Variants in CNTNAP2 observed in about 807,000 individuals in gnomAD.
CNTNAP2 encodes contactin-associated protein-like 2.
A neutral mutation model predicts 155.2 loss-of-function variants in CNTNAP2; 98 were observed. That is an observed-to-expected ratio of 0.63 (90% CI 0.54 to 0.75). The LOEUF is 0.75. Ranked by LOEUF, CNTNAP2 falls within the 30% of genes least tolerant of loss-of-function variation. The pLI is 0.00. For missense variants in CNTNAP2, 1,727 were observed against 1,688.1 expected, an observed-to-expected ratio of 1.02 and a Z score of -0.40; for synonymous variants, 651 against 631.2, an observed-to-expected ratio of 1.03 and a Z score of -0.47.
At chr7:146,840,794 G>A (rs1196980540) in intron 3 of CNTNAP2, among the ~76,000 whole-genome samples, 1 of 152,086 alleles carries the variant, frequency 6.6e-6, no homozygotes, top group African/African-American at 2.4e-5. Context: ...AGTAACAAGA[G>A]TTTATAATTT....
At chr7:148,132,190 G>A (rs17548680) in intron 16 of CNTNAP2, among the ~76,000 whole-genome samples, 3,568 of 152,136 alleles carry the variant, frequency 0.023, 56 homozygotes, top group Middle Eastern at 0.044. Context: ...GGAAGTTATC[G>A]TTCTCAAGAT....
chr7:146,684,867 T>C (rs1800569325), intron 1 of CNTNAP2, among the ~76,000 whole-genome samples: 1 of 152,122 alleles, frequency 6.6e-6, no homozygotes, highest in South Asian at 2.1e-4. Context: ...GTGACCTTGA[T>C]AACATATGTC....
chr7:147,719,218 G>A (rs1378308766), intron 13 of CNTNAP2, among the ~76,000 whole-genome samples: 2 of 152,022 alleles, frequency 1.3e-5, no homozygotes, highest in Non-Finnish European at 1.5e-5. Context: ...CCTAAGCACT[G>A]CCAAATGCCC....
chr7:147,512,176 C>T (rs1161661175), intron 11 of CNTNAP2, among the ~76,000 whole-genome samples: 1 of 152,182 alleles, frequency 6.6e-6, no homozygotes, highest in African/African-American at 2.4e-5. Context: ...CTCTCACCAT[C>T]GCCGTGCCCA....
At chr7:146,993,511 C>A (rs1409020537) in intron 3 of CNTNAP2, among the ~76,000 whole-genome samples, 12 of 152,084 alleles carry the variant, frequency 7.9e-5, no homozygotes, top group Admixed American at 7.9e-4. Context: ...TGGGAGACTG[C>A]CTTTTCCTGG....
intron 3 of CNTNAP2, among the ~76,000 whole-genome samples, chr7:146,874,423 G>A (rs1037681263): frequency 2.9e-4 from 44 of 151,942 alleles, no homozygotes; most frequent in Non-Finnish European, 1.9e-4. Context: ...CACTGTAACC[G>A]CTGTCTCCAG....
rs1235350090 is a variant in CNTNAP2, at chr7:148,378,553, A to G, written c.3476-5096A>G. ...CCTCCTTTACTGTTGTTTACTTAAC[A>G]TTTTCCTTTAAATGGACTCACTATT... On this transcript the variant is annotated intron_variant, in intron 21 of 23. Transcript: ENST00000361727. Among the ~76,000 whole-genome samples the G allele has an allele frequency of 3.0e-5, 2 of 67,288 alleles. 1 individual carries two copies. Among genetic ancestry groups the G allele is most frequent in the African/African-American group, 7.3e-5 (2 of 27,468 alleles). The allele number at this position is 67,288 out of a possible 152,430, so 44.1% of individuals were successfully genotyped here. A position where few individuals can be genotyped will look rare whatever the true frequency, so the allele number is the denominator to read the frequency against.
intron 15 of CNTNAP2, among the ~76,000 whole-genome samples, chr7:147,981,004 T>G (rs1332865834): frequency 1.3e-5 from 2 of 151,672 alleles, no homozygotes; most frequent in African/African-American, 4.8e-5. Flanking sequence ...CCGTATCAAC[T>G]GCATTTTCCA....
chr7:146,732,076 G>T (rs1184497846), intron 1 of CNTNAP2, among the ~76,000 whole-genome samples: 2 of 151,980 alleles, frequency 1.3e-5, no homozygotes, highest in African/African-American at 4.8e-5. Context: ...CAGTACAGTG[G>T]CCAAGATTCA....
chr7:146,947,410 C>CTCTCTCTA (rs1554413860), intron 3 of CNTNAP2, among the ~76,000 whole-genome samples: 24 of 122,672 alleles, frequency 2.0e-4, no homozygotes, highest in African/African-American at 7.6e-4. Context: ...CTCTCTCTCT[C>CTCTCTCTA]TATATATATA....
chr7:146,349,663 G>C (rs575137652), intron 1 of CNTNAP2, among the ~76,000 whole-genome samples: 1 of 152,218 alleles, frequency 6.6e-6, no homozygotes, highest in African/African-American at 2.4e-5. Flanking sequence ...GGGCAGGCCT[G>C]GTGGTGACAA....
chr7:148,133,416 C>T (rs1196650936), intron 16 of CNTNAP2, among the ~76,000 whole-genome samples: 3 of 151,994 alleles, frequency 2.0e-5, no homozygotes, highest in Non-Finnish European at 2.9e-5. Context: ...AAGCTGAGAT[C>T]GCGCCACTGC....
chr7:146,700,766 G>C (rs144449650), intron 1 of CNTNAP2, among the ~76,000 whole-genome samples: 2 of 152,104 alleles, frequency 1.3e-5, no homozygotes, highest in Non-Finnish European at 2.9e-5. Flanking sequence ...TTAGCTCTGC[G>C]TGCAGGCAGG....
intron 8 of CNTNAP2, among the ~76,000 whole-genome samples, chr7:147,159,338 T>A (rs1042852360): frequency 2.6e-5 from 4 of 152,122 alleles, no homozygotes; most frequent in African/African-American, 9.7e-5. Flanking sequence ...TTAACTTTTA[T>A]GTTTTTAATT....
chr7:147,558,741 C>CTTCCTTCCTTCCTTCT (rs1800001025), intron 11 of CNTNAP2, among the ~76,000 whole-genome samples: 1 of 115,646 alleles, frequency 8.6e-6, no homozygotes, highest in East Asian at 2.8e-4. Flanking sequence ...TCCTTCCTTC[C>CTTCCTTCCTTCCTTCT]TTTCTTCCTT....
At chr7:146,587,980 TTAATTTTCAAACAAACC>T (rs1798721093) in intron 1 of CNTNAP2, among the ~76,000 whole-genome samples, 2 of 148,988 alleles carry the variant, frequency 1.3e-5, no homozygotes, top group African/African-American at 5.0e-5. Flanking sequence ...GGCCTGATGA[TTAATTTTCAAACAAACC>T]GTGTGTGTAT....
chr7:148,147,668 A>T lies in CNTNAP2; in HGVS notation c.2732A>T (p.Glu911Val). The T allele has an allele frequency of 6.2e-7, 1 of 1,614,028 alleles. No individual in the cohort carries two copies. The highest frequency in any genetic ancestry group is 8.5e-7 in the Non-Finnish European group (1 of 1,180,018). ...LPQQIRKAPTEGHTRLELYSQ... is the reference protein window; with the variant it reads ...LPQQIRKAPTVGHTRLELYSQ... ...CAGCAGATCCGCAAGGCCCCAACAG[A>T]AGGCCACACCCGCCTGGAGCTCTAC... The change falls in exon 17 of 24, where the codon GAA becomes GTA. Residue 911 changes from glutamate to valine, a missense_variant. Coordinates refer to ENST00000361727, the MANE Select transcript of CNTNAP2 (RefSeq NM_014141.6).
chr7:146,376,852 T>G (rs1194788623), intron 1 of CNTNAP2, among the ~76,000 whole-genome samples: 1 of 152,070 alleles, frequency 6.6e-6, no homozygotes, highest in Non-Finnish European at 1.5e-5. Flanking sequence ...AGCTAAGCCC[T>G]TTTGCCCTTC....
At chr7:148,115,842 T>TAA (rs201198487) in intron 15 of CNTNAP2, among the ~76,000 whole-genome samples, 8 of 150,244 alleles carry the variant, frequency 5.3e-5, no homozygotes, top group African/African-American at 1.7e-4. Flanking sequence ...ATACTTTGTT[T>TAA]AAAAAAAAAA....
Sources: allele counts gnomAD v4.1 joint callset (sites outside exome capture counted in the v4.1 genomes callset), GRCh38; gene constraint gnomAD v4.1.1; transcripts MANE v1.5; gene names NCBI Gene and HGNC (gene_info 2026-07-23, HGNC 2026-07-21).